Variants in KIF1B observed in about 807,000 individuals in gnomAD.
KIF1B encodes kinesin-like protein KIF1B.
KIF1B carries 76 observed loss-of-function variants against 241.9 expected under a neutral mutation model. That is an observed-to-expected ratio of 0.31 (90% confidence interval 0.26 to 0.38). KIF1B has a LOEUF of 0.38. Ranked by LOEUF, KIF1B falls within the 10% of genes least tolerant of loss-of-function variation. The pLI is 1.00. For synonymous variants in KIF1B, 750 were observed against 796.7 expected (o/e 0.94, Z 0.99); for missense variants, 1,622 against 2,271.4 (o/e 0.71, Z 5.81).
intron 34 of KIF1B, among the ~76,000 whole-genome samples, chr1:10,344,269 G>A (rs900277502): frequency 2.0e-5 from 3 of 152,180 alleles, no homozygotes; most frequent in African/African-American, 4.8e-5. Flanking sequence ...CTGCCAGAGC[G>A]AGAGGGTACC....
At position 10,210,698 on chromosome 1, in the gene KIF1B, C is replaced by T. The variant is rs149705989; in HGVS notation, c.-260C>T. 272 of 151,528 alleles carry T rather than the reference C, an allele frequency of 1.8e-3. 2 individuals are homozygous for T. Among genetic ancestry groups the T allele is most frequent in the Middle Eastern group, 0.01 (3 of 294 alleles). The allele number at this position is 151,528 out of a possible 1,614,324, so 9.4% of individuals were successfully genotyped here. On this transcript the variant is annotated 5_prime_UTR_variant, in exon 1 of 49. Coordinates refer to ENST00000676179, the MANE Select transcript of KIF1B (RefSeq NM_001365951.3). The surrounding 1 kb of genome is among the most constrained non-coding windows in gnomAD (Gnocchi z 4.1). ...CTCGCGCACTCCTGTCCGCCGCCCA[C>T]CGCCCACCTCCCACCTCGATGCGGT... is the stretch of plus-strand genomic sequence containing the variant.
chr1:10,355,240 C>T (rs1652934413), intron 38 of KIF1B: 1 of 152,270 alleles, frequency 6.6e-6, no homozygotes, highest in African/African-American at 2.4e-5. Flanking sequence ...TGTTAATTGT[C>T]TGTCCACTTG....
In KIF1B at chr1:10,297,088, G is replaced by GT; in HGVS notation, c.2042+13dup. ...AGAGATGGAGAAAAGGTAATGCACA[G>GT]TTACGCAGCCCATATGACTGTTTCT... is the stretch of plus-strand genomic sequence containing the variant. On this transcript the variant is annotated intron_variant, in intron 21 of 48. Transcript: ENST00000676179. 1 of 1,613,512 alleles carries GT rather than the reference G, an allele frequency of 6.2e-7. No homozygotes were observed. Among genetic ancestry groups the GT allele is most frequent in the Non-Finnish European group, 8.5e-7 (1 of 1,179,820 alleles).
intron 17 of KIF1B, among the ~76,000 whole-genome samples, chr1:10,292,711 C>T (rs150750773): frequency 7.2e-5 from 11 of 152,272 alleles, no homozygotes; most frequent in African/African-American, 2.4e-4. Context: ...GAAGTAGTTA[C>T]GTAGCTTTTA....
intron 15 of KIF1B, among the ~76,000 whole-genome samples, chr1:10,289,415 T>C (rs1649875168): frequency 1.3e-5 from 2 of 152,220 alleles, no homozygotes; most frequent in South Asian, 2.1e-4. Flanking sequence ...TGGCAGCTTC[T>C]GCTCTTCTTT....
chr1:10,304,688 A>C, intron 22 of KIF1B: 1 of 1,609,748 alleles, frequency 6.2e-7, no homozygotes. Flanking sequence ...TGGAAGAAAC[A>C]GACAGTGTTA....
chr1:10,283,332 A>G (rs980222352), intron 15 of KIF1B, among the ~76,000 whole-genome samples: 2 of 151,950 alleles, frequency 1.3e-5, no homozygotes, highest in African/African-American at 4.8e-5. Context: ...CCCTATGATT[A>G]CTGTACAGGA....
Position 10,296,956 on chromosome 1 carries a change from C to A in KIF1B, c.1921C>A (p.Arg641=). Residue 641 remains arginine, a synonymous_variant, in exon 21 of 49, where the codon CGA becomes AGA. Transcript: ENST00000676179. ...CCGCTTTAACCACCCGGAACAAGCA[C>A]GAGCTGAGCGAGAGAAGACTCCTTC... ...VFRFNHPEQA[R]AEREKTPSAE... is the part of the protein sequence containing the mutation. 6.2e-7 allele frequency: 1 copy of A among 1,614,018 alleles called. No individual in the cohort carries two copies. The highest frequency in any genetic ancestry group is 1.1e-5 in the South Asian group (1 of 91,078).
chr1:10,273,901 G>T (rs10864450), intron 10 of KIF1B, among the ~76,000 whole-genome samples: 81,001 of 148,208 alleles, frequency 0.55, 23,182 homozygotes, highest in African/African-American at 0.72. Context: ...GTGGTGTTTA[G>T]CAGTGAGACC....
At chr1:10,250,661 C>CA (rs1315454221) in intron 2 of KIF1B, among the ~76,000 whole-genome samples, 8 of 151,684 alleles carry the variant, frequency 5.3e-5, no homozygotes, top group South Asian at 2.1e-4. Context: ...CCCATCTCTG[C>CA]AAAAAAAATT....
chr1:10,255,953 C>T (rs115729743), intron 2 of KIF1B, among the ~76,000 whole-genome samples: 1,532 of 146,812 alleles, frequency 0.01, 19 homozygotes, highest in African/African-American at 0.035. Context: ...CCATGCCCAG[C>T]TAGTTGTTGT....
At chr1:10,304,078 A>C (rs1354697128) in intron 22 of KIF1B, 2 of 1,613,092 alleles carry the variant, frequency 1.2e-6, no homozygotes, top group Non-Finnish European at 1.7e-6. Context: ...CTTTAAGAGC[A>C]ACCCTAAACA....
intron 16 of KIF1B, among the ~76,000 whole-genome samples, chr1:10,291,815 C>A (rs1304976567): frequency 6.6e-6 from 1 of 151,780 alleles, no homozygotes; most frequent in Non-Finnish European, 1.5e-5. Flanking sequence ...AAGTTCTTAT[C>A]TCAGTGAATA....
At chr1:10,262,993 T>A (rs548746946) in intron 5 of KIF1B, among the ~76,000 whole-genome samples, 18 of 152,284 alleles carry the variant, frequency 1.2e-4, no homozygotes, top group Admixed American at 2.0e-4. Context: ...CTCTCTGTTT[T>A]GTATGTGCTT....
At chr1:10,272,749 C>A (rs552358171) in intron 9 of KIF1B, among the ~76,000 whole-genome samples, 1 of 134,590 alleles carries the variant, frequency 7.4e-6, no homozygotes, top group Non-Finnish European at 1.6e-5. Context: ...TAGTTTTGTT[C>A]TTTCCTACTC....
At chr1:10,258,766 CG>C (rs1479994717) in intron 4 of KIF1B, 94 bp downstream of exon 4, 1 of 1,256,912 alleles carries the variant, frequency 8.0e-7, no homozygotes, top group African/African-American at 1.5e-5. Context: ...AACATTTATG[CG>C]GGGATTGTTT....
At chr1:10,247,374 C>CTTTTGCCCTTGTTTCCATG (rs1647237737) in intron 2 of KIF1B, among the ~76,000 whole-genome samples, 1 of 152,034 alleles carries the variant, frequency 6.6e-6, no homozygotes, top group Non-Finnish European at 1.5e-5. Context: ...TCTAAAATAG[C>CTTTTGCCCTTGTTTCCATG]CACTTCTACC....
At chr1:10,292,248 A>G in intron 17 of KIF1B, 126 bp downstream of exon 17, 1 of 758,614 alleles carries the variant, frequency 1.3e-6, no homozygotes, top group Non-Finnish European at 2.3e-6. Context: ...CCTTAATTTC[A>G]GATATTTCTG....
chr1:10,251,809 A>C (rs1309789720), intron 2 of KIF1B, among the ~76,000 whole-genome samples: 1 of 151,922 alleles, frequency 6.6e-6, no homozygotes, highest in East Asian at 1.9e-4. Flanking sequence ...TTTTGACAGC[A>C]AATTTTCTAG....
Sources: gnomAD v4.1 joint callset for allele counts (sites outside exome capture counted in the v4.1 genomes callset) on GRCh38, gnomAD v4.1.1 for gene constraint, Gnocchi (gnomAD v3.1) non-coding constraint, MANE v1.5 for transcripts, NCBI Gene and HGNC (gene_info 2026-07-23, HGNC 2026-07-21) for gene names.